KDM4C: variants seen among roughly 807,000 people sequenced by gnomAD.
The protein encoded by KDM4C is lysine demethylase 4C.
In KDM4C, 81 loss-of-function variants were observed where a neutral mutation model predicts 129.3. The ratio of observed to expected loss-of-function variants is 0.63; its 90% CI spans 0.52 to 0.75. The LOEUF is 0.75. Among genes scored for constraint, KDM4C ranks in the 30% least tolerant of loss-of-function variants. The pLI, the probability that KDM4C is intolerant of heterozygous loss-of-function variation, is 0.00. For synonymous variants in KDM4C, 573 were observed against 456.1 expected, an observed-to-expected ratio of 1.26 and a Z score of -3.26; for missense variants, 1,457 against 1,304.0, an observed-to-expected ratio of 1.12 and a Z score of -1.81.
At chr9:7,088,387 A>G (rs1216482814) in intron 17 of KDM4C, among the ~76,000 whole-genome samples, 1 of 152,194 alleles carries the variant, frequency 6.6e-6, no homozygotes, top group Non-Finnish European at 1.5e-5. Flanking sequence ...CTCTCCTTTA[A>G]GAAATTACAG....
intron 20 of KDM4C, among the ~76,000 whole-genome samples, chr9:7,167,822 C>A (rs1161523606): frequency 2.6e-5 from 4 of 152,168 alleles, no homozygotes; most frequent in African/African-American, 9.7e-5. Flanking sequence ...ATATTATCAT[C>A]CACTCAAGAG....
chr9:7,157,180 T>G (rs1587915685), intron 19 of KDM4C, among the ~76,000 whole-genome samples: 1 of 152,236 alleles, frequency 6.6e-6, no homozygotes, highest in East Asian at 1.9e-4. Flanking sequence ...ATAGGAATGC[T>G]TGTGATTTTT....
chr9:7,068,756 G>A (rs148835986), intron 17 of KDM4C, among the ~76,000 whole-genome samples: 60 of 137,620 alleles, frequency 4.4e-4, no homozygotes, highest in African/African-American at 1.4e-3. Context: ...GAGTGCAATG[G>A]TGCAATCTTG....
intron 8 of KDM4C, among the ~76,000 whole-genome samples, chr9:6,920,718 A>G (rs753038932): frequency 7.2e-5 from 11 of 152,170 alleles, no homozygotes; most frequent in Non-Finnish European, 1.3e-4. Flanking sequence ...ATCTTGTGAA[A>G]GGGTCTGAAG....
At chr9:6,900,490 AG>A (rs543902482) in intron 8 of KDM4C, among the ~76,000 whole-genome samples, 131 of 152,304 alleles carry the variant, frequency 8.6e-4, no homozygotes, top group Non-Finnish European at 1.7e-3. Context: ...CAGTGGAGCC[AG>A]GGGCATGGTG....
chr9:7,008,339 C>G (rs983058114), intron 12 of KDM4C, among the ~76,000 whole-genome samples: 4 of 152,176 alleles, frequency 2.6e-5, no homozygotes, highest in Admixed American at 2.0e-4. Context: ...GCTCAAGTGT[C>G]AGGTCAGTAC....
At chr9:6,981,168 G>C in intron 9 of KDM4C, 50 bp downstream of exon 9, 1 of 1,446,860 alleles carries the variant, frequency 6.9e-7, no homozygotes, top group African/African-American at 1.4e-5. Flanking sequence ...TGTTTTCTCA[G>C]TTAAAATGGG....
intron 1 of KDM4C, among the ~76,000 whole-genome samples, chr9:6,787,661 C>G (rs1024301002): frequency 1.1e-4 from 17 of 152,210 alleles, no homozygotes; most frequent in African/African-American, 4.1e-4. Flanking sequence ...CATCATGGTC[C>G]AAGCTGCCGT....
intron 17 of KDM4C, chr9:7,077,065 G>A (rs1327493602): frequency 4.1e-6 from 4 of 985,372 alleles, no homozygotes; most frequent in Admixed American, 6.2e-5. Flanking sequence ...GAGTTTAGGT[G>A]AAAACTATCA....
At chr9:6,788,041 C>G (rs2130828383) in intron 1 of KDM4C, among the ~76,000 whole-genome samples, 1 of 152,300 alleles carries the variant, frequency 6.6e-6, no homozygotes, top group Non-Finnish European at 1.5e-5. Flanking sequence ...AGTCTCTTTC[C>G]TTGTTGTTCC....
At position 6,905,224 on chromosome 9, in the gene KDM4C, A is replaced by G. The variant is rs188113055; in HGVS notation, c.921+11992A>G. On this transcript the variant is annotated intron_variant, in intron 8 of 21. Transcript: ENST00000381309. ...GGAACAAATGTAACATCAGTATGCC[A>G]ACAGGGATACACATTGGAGGCCGTC... 2.9e-3 allele frequency among the ~76,000 whole-genome samples: 436 copies of G among 152,330 alleles called. 5 individuals are homozygous for G. Among genetic ancestry groups the G allele is most frequent in the Non-Finnish European group, 1.3e-3 (88 of 68,024 alleles).
chr9:7,102,394 G>A (rs1315843969), intron 17 of KDM4C, among the ~76,000 whole-genome samples: 1 of 148,168 alleles, frequency 6.7e-6, no homozygotes, highest in Non-Finnish European at 1.5e-5. Flanking sequence ...GTACGATGGT[G>A]GTGACATGAG....
At chr9:6,948,172 T>C (rs1827316799) in intron 8 of KDM4C, 1 of 152,242 alleles carries the variant, frequency 6.6e-6, no homozygotes, top group Non-Finnish European at 1.5e-5. Context: ...TTGAAATTTA[T>C]AATCTGAAGC....
chr9:7,079,256 C>A (rs1834261550), intron 17 of KDM4C, among the ~76,000 whole-genome samples: 1 of 152,104 alleles, frequency 6.6e-6, no homozygotes, highest in Admixed American at 6.5e-5. Context: ...TGCCAAAGGC[C>A]AAAATGAGTT....
At chr9:6,757,667 A>G (rs967188772), upstream of KDM4C, 3 of 985,502 alleles carry the variant, frequency 3.0e-6, no homozygotes, top group Non-Finnish European at 2.4e-6. Context: ...GGCGCCCAGG[A>G]GGACGTGTGG....
chr9:7,029,135 A>C (rs1488131509), intron 15 of KDM4C, among the ~76,000 whole-genome samples: 1 of 152,110 alleles, frequency 6.6e-6, no homozygotes, highest in Non-Finnish European at 1.5e-5. Context: ...CCTGTCTCCA[A>C]AATCCTCTCA....
intron 6 of KDM4C, among the ~76,000 whole-genome samples, chr9:6,880,738 C>T (rs1235829959): frequency 2.0e-5 from 3 of 152,172 alleles, no homozygotes; most frequent in Non-Finnish European, 4.4e-5. Context: ...TGATCCTGTG[C>T]CTGCTTTTGT....
intron 7 of KDM4C, among the ~76,000 whole-genome samples, chr9:6,891,073 A>G (rs529010530): frequency 6.6e-6 from 1 of 152,352 alleles, no homozygotes; most frequent in South Asian, 2.1e-4. Context: ...AGCATCCATA[A>G]CATGGCAAAG....
intron 15 of KDM4C, among the ~76,000 whole-genome samples, chr9:7,039,858 A>G (rs575605035): frequency 6.6e-6 from 1 of 152,158 alleles, no homozygotes; most frequent in South Asian, 2.1e-4. Flanking sequence ...CTATATATAA[A>G]TGGCCCCATG....
Sources: gnomAD v4.1 joint callset for allele counts (sites outside exome capture counted in the v4.1 genomes callset) on GRCh38, gnomAD v4.1.1 for gene constraint, MANE v1.5 for transcripts, NCBI Gene and HGNC (gene_info 2026-07-23, HGNC 2026-07-21) for gene names.